Variants in SRGAP3 observed in about 807,000 individuals in gnomAD.
SRGAP3 encodes the protein SLIT-ROBO Rho GTPase activating protein 3.
In SRGAP3, 39 loss-of-function variants were observed where a neutral mutation model predicts 121.1. The observed-to-expected ratio is 0.32, with a 90% CI of 0.25 to 0.42. The LOEUF is 0.42. Ranked by LOEUF, SRGAP3 falls within the 10% of genes least tolerant of loss-of-function variation. The pLI, the probability that SRGAP3 is intolerant of heterozygous loss-of-function variation, is 1.00. For missense variants in SRGAP3, 1,213 were observed against 1,470.6 expected (o/e 0.82, Z 2.86); for synonymous variants, 601 against 570.0 (o/e 1.05, Z -0.77).
At chr3:9,296,046 G>A (rs1279139931) in intron 3 of SRGAP3, among the ~76,000 whole-genome samples, 1 of 152,156 alleles carries the variant, frequency 6.6e-6, no homozygotes, top group Non-Finnish European at 1.5e-5. Flanking sequence ...TCCACTGATG[G>A]ATGTCTGGTG....
chr3:9,259,347 C>T (rs1482182641), intron 3 of SRGAP3, among the ~76,000 whole-genome samples: 1 of 152,104 alleles, frequency 6.6e-6, no homozygotes, highest in Non-Finnish European at 1.5e-5. Context: ...GACATGATCA[C>T]AGACTTCTGC....
At chr3:9,319,765 A>T (rs907368322) in intron 3 of SRGAP3, among the ~76,000 whole-genome samples, 2 of 151,886 alleles carry the variant, frequency 1.3e-5, no homozygotes, top group Admixed American at 6.5e-5. Flanking sequence ...ACCTTATACT[A>T]GAAAGGGTGT....
intron 1 of SRGAP3, among the ~76,000 whole-genome samples, chr3:9,223,623 T>G (rs1374775775): frequency 6.6e-6 from 1 of 152,162 alleles, no homozygotes; most frequent in African/African-American, 2.4e-5. Context: ...GGAGATCAAA[T>G]GCAATGCAAC....
intron 1 of SRGAP3, among the ~76,000 whole-genome samples, chr3:9,345,785 CAAAAAAAAAA>C (rs34225108): frequency 3.1e-5 from 2 of 65,272 alleles, no homozygotes; most frequent in Admixed American, 1.7e-4. Flanking sequence ...GACTCCAACT[CAAAAAAAAAA>C]AAAAAAAAAG....
intron 1 of SRGAP3, among the ~76,000 whole-genome samples, chr3:9,145,036 T>C (rs1949977979): frequency 6.6e-6 from 1 of 152,252 alleles, no homozygotes; most frequent in African/African-American, 2.4e-5. Flanking sequence ...TTAGTAACTT[T>C]ATCTTCTACT....
chr3:9,202,371 C>T (rs1002635640), intron 1 of SRGAP3, among the ~76,000 whole-genome samples: 4 of 152,218 alleles, frequency 2.6e-5, no homozygotes, highest in African/African-American at 4.8e-5. Context: ...CAGCCCCCTC[C>T]CAAGACACAG....
At chr3:9,353,317 T>C (rs1462238440) in intron 1 of SRGAP3, among the ~76,000 whole-genome samples, 1 of 152,266 alleles carries the variant, frequency 6.6e-6, no homozygotes, top group Non-Finnish European at 1.5e-5. Flanking sequence ...GTGTTTTCTG[T>C]GCTTTGCAAA....
rs200115629 is a variant in SRGAP3, at chr3:9,080,056, T to C, written c.455A>G (p.Glu152Gly). Residue 152 changes from glutamate (E) to glycine (G), a missense_variant, in exon 4 of 22, where the codon GAG (glutamate) becomes GGG (glycine). Physicochemically the swap from Glu to Gly is moderately conservative, Grantham distance 98. Around this residue, in one of 2 missense-constraint regions of SRGAP3, gnomAD observed 793 missense variants for 1,032.9 expected, o/e 0.77. Transcript: ENST00000383836. ...GAGCTCATTGGTCACCTTCAGGAGCTCCTCGTGCATCTGCAGGCCAATCTC... is the reference window on the plus strand; with the variant it reads ...GAGCTCATTGGTCACCTTCAGGAGCCCCTCGTGCATCTGCAGGCCAATCTC... ...SKEIGLQMHE[E>G]LLKVTNELYT... 1.7e-4 allele frequency: 277 copies of C among 1,586,642 alleles called. No individual in the cohort carries two copies. Among genetic ancestry groups the C allele is most frequent in the Non-Finnish European group, 2.2e-4 (261 of 1,166,234 alleles).
chr3:9,030,574 T>C (rs1316280557), intron 12 of SRGAP3, among the ~76,000 whole-genome samples: 1 of 152,216 alleles, frequency 6.6e-6, no homozygotes, highest in East Asian at 1.9e-4. Flanking sequence ...CCAAGGTGAC[T>C]GTCTCAAAGG....
intron 3 of SRGAP3, chr3:9,257,136 A>G (rs1397998104): frequency 3.1e-6 from 1 of 324,842 alleles, no homozygotes; most frequent in Non-Finnish European, 5.6e-6. Flanking sequence ...AAAATAATTT[A>G]CACCTTATAT....
chr3:9,225,431 C>A (rs778344165), intron 1 of SRGAP3, among the ~76,000 whole-genome samples: 20 of 152,264 alleles, frequency 1.3e-4, no homozygotes, highest in Middle Eastern at 3.4e-3. Context: ...GTGGAAGTTA[C>A]CAGGTTGAAG....
chr3:8,983,142 T>C lies in SRGAP3; in HGVS notation c.*2377A>G. On this transcript the variant is annotated 3_prime_UTR_variant, in exon 22 of 22. Coordinates refer to ENST00000383836, the MANE Select transcript of SRGAP3 (RefSeq NM_014850.4). The stretch of plus-strand genomic sequence containing the variant: ...TGTGTCCTGGCTGGACAGTATAGCA[T>C]CCAGCATGCAAACACATGACTTTAA... 1 of 227,538 alleles carries C rather than the reference T, an allele frequency of 4.4e-6. No homozygotes were observed. Among genetic ancestry groups the C allele is most frequent in the East Asian group, 6.3e-5 (1 of 15,874 alleles). 14.1% of individuals were successfully genotyped at this position (227,538 alleles called of 1,614,324 possible).
intron 2 of SRGAP3, among the ~76,000 whole-genome samples, chr3:9,110,028 T>C (rs1489402595): frequency 6.6e-6 from 1 of 151,848 alleles, no homozygotes; most frequent in Non-Finnish European, 1.5e-5. Context: ...CCTTGAAGGG[T>C]TTACAGAAGG....
At chr3:9,240,693 A>T (rs1444871670) in intron 1 of SRGAP3, among the ~76,000 whole-genome samples, 1 of 152,214 alleles carries the variant, frequency 6.6e-6, no homozygotes, top group East Asian at 1.9e-4. Context: ...CTCTCCAATC[A>T]TCAATTTCCA....
At chr3:9,200,794 C>T (rs1224866841) in intron 1 of SRGAP3, among the ~76,000 whole-genome samples, 4 of 152,322 alleles carry the variant, frequency 2.6e-5, no homozygotes, top group Non-Finnish European at 4.4e-5. Context: ...CCGGGCTCCA[C>T]CATAGACGTA....
chr3:9,004,571 C>T (rs1173353796), intron 18 of SRGAP3, among the ~76,000 whole-genome samples: 5 of 152,190 alleles, frequency 3.3e-5, no homozygotes, highest in Non-Finnish European at 7.4e-5. Context: ...CAGAGATAGA[C>T]ATATTGGTCA....
chr3:9,185,035 G>C (rs1951552434), intron 1 of SRGAP3, among the ~76,000 whole-genome samples: 1 of 152,116 alleles, frequency 6.6e-6, no homozygotes, highest in South Asian at 2.1e-4. Flanking sequence ...AGACCAGCCT[G>C]GCCAACATGG....
intron 3 of SRGAP3, among the ~76,000 whole-genome samples, chr3:9,299,492 GC>G (rs1955012389): frequency 6.6e-6 from 1 of 152,254 alleles, no homozygotes; most frequent in East Asian, 1.9e-4. Context: ...ACCCAGCTGA[GC>G]CCCAGCCAAC....
Position 8,985,278 on chromosome 3 carries a change from G to A in SRGAP3, c.*241C>T. ...CCATGTTAGGGAATGCTGTGGTTGGGGCTGCTGGAGCTCCAGCACTCCTCT... is the reference window on the plus strand; with the variant it reads ...CCATGTTAGGGAATGCTGTGGTTGGAGCTGCTGGAGCTCCAGCACTCCTCT... On this transcript the variant is annotated 3_prime_UTR_variant, in exon 22 of 22. Transcript: ENST00000383836. The surrounding 1 kb of genome is among the most constrained non-coding windows in gnomAD (Gnocchi z 5.1). 1 of 783,976 alleles carries A rather than the reference G, an allele frequency of 1.3e-6. No homozygotes were observed. Among genetic ancestry groups the A allele is most frequent in the Non-Finnish European group, 1.9e-6 (1 of 522,126 alleles). 48.6% of individuals were successfully genotyped at this position (783,976 alleles called of 1,614,324 possible).
Sources: allele counts gnomAD v4.1 joint callset (sites outside exome capture counted in the v4.1 genomes callset), GRCh38; gene constraint gnomAD v4.1.1; regional missense constraint gnomAD v4.1.1; non-coding constraint Gnocchi (gnomAD v3.1); transcripts MANE v1.5; gene names NCBI Gene and HGNC (gene_info 2026-07-23, HGNC 2026-07-21).